Variants in KLHL1 observed in about 807,000 individuals in gnomAD.
The protein encoded by KLHL1 is kelch-like protein 1.
A neutral mutation model predicts 77.7 loss-of-function variants in KLHL1; 47 were observed. The observed-to-expected ratio is 0.60, with a 90% CI of 0.48 to 0.77. The LOEUF is 0.77. Among genes scored for constraint, KLHL1 ranks in the 30% least tolerant of loss-of-function variants. The pLI is 0.00. For synonymous variants in KLHL1, 360 were observed against 325.2 expected (o/e 1.11, Z -1.15); for missense variants, 925 against 910.8 (o/e 1.02, Z -0.20).
chr13:69,748,970 A>C (rs7989992), intron 7 of KLHL1, among the ~76,000 whole-genome samples: 62,517 of 151,764 alleles, frequency 0.41, 13,048 homozygotes, highest in African/African-American at 0.46. Context: ...TTAAATATCT[A>C]TGTTTTGAAA....
Position 70,078,882 on chromosome 13 carries a change from A to C in KLHL1, c.497+28321T>G, listed in dbSNP as rs535966909. ...AAAAGCATGAAAAGTGAATATGTTG[A>C]AATGAACCCACTTAAACAACTAGTC... On this transcript the variant is annotated intron_variant, in intron 1 of 10. Coordinates refer to ENST00000377844, the MANE Select transcript of KLHL1 (RefSeq NM_020866.3). Among the ~76,000 whole-genome samples the C allele has an allele frequency of 2.6e-5, 4 of 152,342 alleles. No homozygotes were observed. In the South Asian group the frequency reaches 8.3e-4, roughly 32 times the overall value.
chr13:69,815,208 T>C (rs1878068931), intron 6 of KLHL1, among the ~76,000 whole-genome samples: 2 of 152,170 alleles, frequency 1.3e-5, no homozygotes, highest in Non-Finnish European at 2.9e-5. Flanking sequence ...ACTGGGTATA[T>C]ACCCAAAGGA....
chr13:69,777,755 A>G (rs2137995327), intron 7 of KLHL1, among the ~76,000 whole-genome samples: 1 of 152,274 alleles, frequency 6.6e-6, no homozygotes, highest in South Asian at 2.1e-4. Context: ...ATATGATCAG[A>G]GCACCCTTAC....
At chr13:69,733,414 TAATC>T (rs1434892783) in intron 8 of KLHL1, among the ~76,000 whole-genome samples, 1 of 152,134 alleles carries the variant, frequency 6.6e-6, no homozygotes, top group East Asian at 1.9e-4. Context: ...ATAAATTACA[TAATC>T]AACACGTACT....
intron 6 of KLHL1, among the ~76,000 whole-genome samples, chr13:69,799,026 T>C (rs1877256827): frequency 6.6e-6 from 1 of 151,932 alleles, no homozygotes; most frequent in South Asian, 2.1e-4. Flanking sequence ...GAGGCAGAGG[T>C]TGCAGTGAGC....
chr13:70,006,273 A>G (rs999958340), intron 1 of KLHL1, among the ~76,000 whole-genome samples: 4 of 151,974 alleles, frequency 2.6e-5, no homozygotes, highest in Non-Finnish European at 5.9e-5. Context: ...ATAGATGGAC[A>G]TTTGGGTTAA....
intron 4 of KLHL1, among the ~76,000 whole-genome samples, chr13:69,924,570 C>T (rs1385477467): frequency 6.6e-6 from 1 of 152,178 alleles, no homozygotes; most frequent in Non-Finnish European, 1.5e-5. Context: ...AATAAAACTC[C>T]TGTTTGTCTT....
chr13:69,852,821 T>G (rs973406858), intron 5 of KLHL1, among the ~76,000 whole-genome samples: 11 of 152,008 alleles, frequency 7.2e-5, no homozygotes, highest in Admixed American at 2.0e-4. Flanking sequence ...AGTTTAGGTA[T>G]GAAATGAGTT....
chr13:69,887,907 C>G (rs1223897386), intron 4 of KLHL1, among the ~76,000 whole-genome samples: 1 of 152,180 alleles, frequency 6.6e-6, no homozygotes, highest in Non-Finnish European at 1.5e-5. Flanking sequence ...GTTCCAAAGC[C>G]TCTTCCACAT....
At chr13:69,967,915 T>C (rs1468212486) in intron 2 of KLHL1, among the ~76,000 whole-genome samples, 1 of 150,962 alleles carries the variant, frequency 6.6e-6, no homozygotes, top group East Asian at 1.9e-4. Context: ...TAAAAAAGAA[T>C]ATTACACAAA....
At chr13:69,965,859 A>G (rs889168359) in intron 2 of KLHL1, among the ~76,000 whole-genome samples, 6 of 152,284 alleles carry the variant, frequency 3.9e-5, no homozygotes, top group African/African-American at 1.4e-4. Flanking sequence ...AGCCTAATCC[A>G]GAGTAAGGCC....
chr13:69,747,655 A>G (rs1357500255), intron 7 of KLHL1, among the ~76,000 whole-genome samples: 1 of 152,028 alleles, frequency 6.6e-6, no homozygotes, highest in Non-Finnish European at 1.5e-5. Flanking sequence ...CAATAGAATT[A>G]GTAAGTAGAA....
intron 4 of KLHL1, among the ~76,000 whole-genome samples, chr13:69,901,448 C>T (rs1178069216): frequency 1.3e-5 from 2 of 152,108 alleles, no homozygotes; most frequent in Non-Finnish European, 2.9e-5. Context: ...GGAAGAGTTG[C>T]AGACAATTTG....
intron 6 of KLHL1, among the ~76,000 whole-genome samples, chr13:69,836,184 A>C (rs986960058): frequency 1.3e-5 from 2 of 152,068 alleles, no homozygotes; most frequent in Non-Finnish European, 2.9e-5. Flanking sequence ...CTTGCAATGC[A>C]TGTGGGCTGA....
chr13:69,721,127 G>GCAGACAGAA (rs1391506483), intron 8 of KLHL1, among the ~76,000 whole-genome samples: 1 of 83,084 alleles, frequency 1.2e-5, no homozygotes, highest in Non-Finnish European at 2.5e-5. Context: ...ACAAAGGACA[G>GCAGACAGAA]CAGACAGAAC....
intron 1 of KLHL1, among the ~76,000 whole-genome samples, chr13:70,029,201 T>A (rs958650705): frequency 6.6e-6 from 1 of 152,098 alleles, no homozygotes; most frequent in African/African-American, 2.4e-5. Flanking sequence ...GATCTTGAAC[T>A]TGCGGCCTGT....
intron 1 of KLHL1, among the ~76,000 whole-genome samples, chr13:70,097,362 T>A (rs17822424): frequency 1.7e-3 from 261 of 152,140 alleles, no homozygotes; most frequent in Non-Finnish European, 2.8e-3. Context: ...TGTCTTCATG[T>A]GCAAGGTAGG....
At chr13:70,096,516 T>G (rs1227166463) in intron 1 of KLHL1, among the ~76,000 whole-genome samples, 1 of 152,066 alleles carries the variant, frequency 6.6e-6, no homozygotes, top group Non-Finnish European at 1.5e-5. Flanking sequence ...TATTGATATC[T>G]TTGCCCATTT....
At chr13:69,955,315 C>T (rs1417384445) in intron 3 of KLHL1, among the ~76,000 whole-genome samples, 1 of 151,298 alleles carries the variant, frequency 6.6e-6, no homozygotes, top group Non-Finnish European at 1.5e-5. Context: ...TGGCAGTAAG[C>T]AGAAGCTATC....
Sources: gnomAD v4.1 joint callset for allele counts (sites outside exome capture counted in the v4.1 genomes callset) on GRCh38, gnomAD v4.1.1 for gene constraint, MANE v1.5 for transcripts, NCBI Gene and HGNC (gene_info 2026-07-23, HGNC 2026-07-21) for gene names.